The following FTO variants were observed in gnomAD, a reference collection of about 807,000 sequenced individuals.
FTO encodes the protein alpha-ketoglutarate-dependent dioxygenase FTO.
In FTO, 47 loss-of-function variants were observed where a neutral mutation model predicts 63.9. The observed-to-expected ratio is 0.74, with a 90% CI of 0.58 to 0.94. The LOEUF is 0.94. FTO is among the 40% of genes least tolerant of loss of function. FTO has a pLI of 0.00. For synonymous variants in FTO, 207 were observed against 224.4 expected (o/e 0.92, Z 0.69); for missense variants, 562 against 618.1 (o/e 0.91, Z 0.96).
intron 8 of FTO, among the ~76,000 whole-genome samples, chr16:53,944,384 GGCT>G (rs1476344899): frequency 6.6e-6 from 1 of 152,136 alleles, no homozygotes; most frequent in East Asian, 1.9e-4. Flanking sequence ...CAATTGTGTT[GGCT>G]ACCAGTAGAT....
rs2086996651 is a variant in FTO at position 54,120,256 on chromosome 16, AG to A, written c.*8344del. 1 of 152,288 alleles carries A rather than the reference AG, an allele frequency of 6.6e-6. No individual in the cohort carries two copies. The highest frequency in any genetic ancestry group is 2.4e-5 in the African/African-American group (1 of 41,460). 9.4% of individuals were successfully genotyped at this position (152,288 alleles called of 1,614,324 possible). A position where few individuals can be genotyped will look rare whatever the true frequency, so the allele number is the denominator to read the frequency against. ...CTTGGGGAGCTGAAGGTACCTTGGA[AG>A]GGCCAGATGAGGAAGCTAGCCAAGG... On this transcript the variant is annotated 3_prime_UTR_variant, in exon 9 of 9. Transcript: ENST00000471389.
chr16:53,889,434 C>T, intron 7 of FTO, among the ~76,000 whole-genome samples: 1 of 152,166 alleles, frequency 6.6e-6, no homozygotes, highest in Non-Finnish European at 1.5e-5. Flanking sequence ...CAGGCTGGCT[C>T]CACAGCTTAT....
At chr16:53,935,004 T>A (rs1043694512) in intron 8 of FTO, among the ~76,000 whole-genome samples, 1 of 152,206 alleles carries the variant, frequency 6.6e-6, no homozygotes, top group Admixed American at 6.5e-5. Flanking sequence ...TTTACAGAAC[T>A]GATGCTTGCA....
rs8062538 is a variant in FTO at position 53,821,702 on chromosome 16, A to T, written c.124-4162A>T. On this transcript the variant is annotated intron_variant, in intron 2 of 8. Coordinates refer to ENST00000471389, the MANE Select transcript of FTO (RefSeq NM_001080432.3). ...ACTTACCTAGTAAAGTCATTTTTTCACATTCAGACTTGACTCATTCATTTT... is the reference window on the plus strand; with the variant it reads ...ACTTACCTAGTAAAGTCATTTTTTCTCATTCAGACTTGACTCATTCATTTT... Among the ~76,000 whole-genome samples the T allele has an allele frequency of 6.5e-3, 993 of 152,224 alleles. 12 individuals carry two copies. The highest frequency in any genetic ancestry group is 0.022 in the African/African-American group (904 of 41,534).
chr16:53,859,908 TC>T (rs1724318942), intron 4 of FTO, among the ~76,000 whole-genome samples: 1 of 152,152 alleles, frequency 6.6e-6, no homozygotes, highest in African/African-American at 2.4e-5. Flanking sequence ...AATAGAACTT[TC>T]ATATGACCCA....
intron 1 of FTO, among the ~76,000 whole-genome samples, chr16:53,749,592 T>C (rs373853399): frequency 1.3e-5 from 2 of 151,894 alleles, no homozygotes; most frequent in African/African-American, 2.4e-5. Flanking sequence ...GCGCCCGCCA[T>C]CACGCCCGGC....
intron 8 of FTO, among the ~76,000 whole-genome samples, chr16:54,059,276 A>G (rs756908102): frequency 1.3e-4 from 20 of 152,188 alleles, no homozygotes; most frequent in Admixed American, 6.5e-4. Flanking sequence ...ATTGTATGCT[A>G]TCTCAATATG....
intron 1 of FTO, among the ~76,000 whole-genome samples, chr16:53,807,817 G>T (rs1329046981): frequency 6.6e-6 from 1 of 152,138 alleles, no homozygotes; most frequent in Non-Finnish European, 1.5e-5. Context: ...TTGAGGTATA[G>T]ATTTTGATTA....
At chr16:54,007,740 C>T (rs1459539962) in intron 8 of FTO, among the ~76,000 whole-genome samples, 1 of 152,218 alleles carries the variant, frequency 6.6e-6, no homozygotes, top group Non-Finnish European at 1.5e-5. Context: ...TAAGGGAATG[C>T]TGGTCCTGTG....
At chr16:53,929,729 G>T (rs946163875) in intron 7 of FTO, among the ~76,000 whole-genome samples, 6 of 152,138 alleles carry the variant, frequency 3.9e-5, no homozygotes, top group Admixed American at 1.3e-4. Context: ...ATTGTGTTTC[G>T]CAGTGCCTTG....
chr16:54,001,385 G>T (rs2084063455), intron 8 of FTO, among the ~76,000 whole-genome samples: 1 of 152,144 alleles, frequency 6.6e-6, no homozygotes, highest in Non-Finnish European at 1.5e-5. Context: ...TTCTGAGTAT[G>T]ATTCCGTACC....
intron 1 of FTO, among the ~76,000 whole-genome samples, chr16:53,738,801 G>A (rs1050220685): frequency 1.3e-5 from 2 of 152,048 alleles, no homozygotes; most frequent in Non-Finnish European, 2.9e-5. Flanking sequence ...TAGAGTTCCA[G>A]TTTCTCTACA....
intron 1 of FTO, among the ~76,000 whole-genome samples, chr16:53,725,385 T>C (rs894745021): frequency 3.9e-5 from 6 of 152,364 alleles, no homozygotes; most frequent in African/African-American, 1.4e-4. Flanking sequence ...TATTGTAGAA[T>C]GATCTTCATT....
chr16:53,931,607 C>T (rs1398020526), intron 7 of FTO, among the ~76,000 whole-genome samples: 1 of 151,898 alleles, frequency 6.6e-6, no homozygotes, highest in East Asian at 1.9e-4. Flanking sequence ...TGCACCTGGC[C>T]GATAAAGTAC....
intron 8 of FTO, among the ~76,000 whole-genome samples, chr16:54,106,883 T>G (rs998417559): frequency 3.2e-4 from 44 of 139,568 alleles, no homozygotes; most frequent in African/African-American, 9.3e-4. Flanking sequence ...AATAAATATA[T>G]TATTGTATAT....
intron 8 of FTO, among the ~76,000 whole-genome samples, chr16:54,029,390 G>A (rs778131724): frequency 5.3e-5 from 8 of 152,154 alleles, no homozygotes; most frequent in Non-Finnish European, 1.0e-4. Flanking sequence ...TGAACATGCA[G>A]TAGCCCCTGA....
rs121918214 is a variant in FTO at position 53,873,837 on chromosome 16, G to A, written c.947G>A (p.Arg316Gln). 8 of 1,612,862 alleles carry A rather than the reference G, an allele frequency of 5.0e-6. No individual in the cohort carries two copies. The highest frequency in any genetic ancestry group is 5.9e-6 in the Non-Finnish European group (7 of 1,179,172). Residue 316 changes from arginine (R) to glutamine (Q), a missense_variant, in exon 5 of 9, where the codon CGG becomes CAG. By Grantham distance (43) the Arg-to-Gln change is conservative. Coordinates refer to ENST00000471389, the MANE Select transcript of FTO (RefSeq NM_001080432.3). ...TGTGTTTTGGCCGGTTCACAACCTCGGTTTAGTTCCACCCACCGAGTGGCA... is the reference window on the plus strand; with the variant it reads ...TGTGTTTTGGCCGGTTCACAACCTCAGTTTAGTTCCACCCACCGAGTGGCA... ...QHCVLAGSQP[R>Q]FSSTHRVAEC...
At chr16:53,955,623 G>A (rs373156120) in intron 8 of FTO, among the ~76,000 whole-genome samples, 10 of 152,300 alleles carry the variant, frequency 6.6e-5, no homozygotes, top group East Asian at 1.9e-4. Context: ...CAAAGTATAC[G>A]GAAAGTTTCC....
At chr16:53,883,644 A>AAC (rs1567396737) in intron 6 of FTO, among the ~76,000 whole-genome samples, 2 of 150,694 alleles carry the variant, frequency 1.3e-5, no homozygotes, top group Non-Finnish European at 2.9e-5. Flanking sequence ...AACAAAAAAA[A>AAC]AAAAACAAAT....
Sources: allele counts gnomAD v4.1 joint callset (sites outside exome capture counted in the v4.1 genomes callset), GRCh38; gene constraint gnomAD v4.1.1; transcripts MANE v1.5; gene names NCBI Gene and HGNC (gene_info 2026-07-23, HGNC 2026-07-21).